SAMSN1: variants seen among roughly 807,000 people sequenced by gnomAD.
The protein encoded by SAMSN1 is SAM domain, SH3 domain and nuclear localization signals 1.
In SAMSN1, 31 loss-of-function variants were observed where a neutral mutation model predicts 42.0. The observed-to-expected ratio is 0.74, with a 90% CI of 0.55 to 1.00. The LOEUF (loss-of-function observed/expected upper bound fraction) is 1.00, where lower values mean the gene tolerates loss of function less well. Ranked by LOEUF, SAMSN1 falls within the 50% of genes least tolerant of loss-of-function variation. The pLI, the probability that SAMSN1 is intolerant of heterozygous loss-of-function variation, is 0.00. For synonymous variants in SAMSN1, 178 were observed against 151.9 expected, an observed-to-expected ratio of 1.17 and a Z score of -1.26; for missense variants, 464 against 439.4, an observed-to-expected ratio of 1.06 and a Z score of -0.50.
intron 2 of SAMSN1, among the ~76,000 whole-genome samples, chr21:14,577,236 G>GTATATATATATATA (rs1472311400): frequency 3.2e-5 from 1 of 30,852 alleles, no homozygotes; most frequent in Non-Finnish European, 5.5e-5. Flanking sequence ...ATATATATGT[G>GTATATATATATATA]TGTATATATA....
intron 2 of SAMSN1, among the ~76,000 whole-genome samples, chr21:14,518,368 T>A (rs918017875): frequency 6.6e-6 from 1 of 152,230 alleles, no homozygotes; most frequent in Non-Finnish European, 1.5e-5. Flanking sequence ...TCTTTGAGTG[T>A]CTAGAGTACT....
intron 1 of SAMSN1, among the ~76,000 whole-genome samples, chr21:14,540,689 T>C (rs1385061880): frequency 6.6e-6 from 1 of 152,246 alleles, no homozygotes; most frequent in East Asian, 1.9e-4. Flanking sequence ...TTGGTGGGAC[T>C]GTAAACTAGT....
intron 1 of SAMSN1, among the ~76,000 whole-genome samples, chr21:14,537,178 G>C (rs1979680130): frequency 6.6e-6 from 1 of 152,130 alleles, no homozygotes; most frequent in South Asian, 2.1e-4. Flanking sequence ...TATGCACTCT[G>C]CCCCACTGCT....
chr21:14,565,772 T>C (rs763120626), intron 2 of SAMSN1, among the ~76,000 whole-genome samples: 4 of 152,166 alleles, frequency 2.6e-5, no homozygotes, highest in Non-Finnish European at 4.4e-5. Flanking sequence ...CGTTATACCA[T>C]GCTACATAAA....
intron 2 of SAMSN1, among the ~76,000 whole-genome samples, chr21:14,567,932 C>T (rs1981173433): frequency 1.3e-5 from 2 of 152,022 alleles, no homozygotes; most frequent in African/African-American, 4.8e-5. Flanking sequence ...AAAAAGACTT[C>T]TTGGATAGGT....
At position 14,521,117 on chromosome 21, in the gene SAMSN1, A is replaced by G. The variant is rs773004815; in HGVS notation, c.129+33T>C. 9 of 1,330,270 alleles carry G rather than the reference A, an allele frequency of 6.8e-6. No individual in the cohort carries two copies. The African/African-American group carries it at 1.2e-4, about 17-fold the overall frequency. 82.4% of individuals were successfully genotyped at this position (1,330,270 alleles called of 1,614,324 possible). ...TCATAATATTTCATAATGTGTTTGC[A>G]TAACATTCATAAAAATGGAATAAAC... On this transcript the variant is annotated intron_variant, in intron 2 of 7. Transcript: ENST00000400566.
chr21:14,573,600 G>A (rs1981372088), intron 2 of SAMSN1, among the ~76,000 whole-genome samples: 1 of 152,100 alleles, frequency 6.6e-6, no homozygotes, highest in Non-Finnish European at 1.5e-5. Flanking sequence ...GTAGAAATAC[G>A]GCCAACAGGC....
chr21:14,655,692 A>C (rs1451498091), intron 1 of SAMSN1, among the ~76,000 whole-genome samples: 1 of 151,948 alleles, frequency 6.6e-6, no homozygotes, highest in East Asian at 1.9e-4. Context: ...CCTCATGAAG[A>C]CTGAATTATA....
Position 14,498,534 on chromosome 21 carries a change from A to G in SAMSN1, c.827T>C (p.Ile276Thr), listed in dbSNP as rs1987003448. 6.2e-7 allele frequency: 1 copy of G among 1,610,848 alleles called. No individual in the cohort carries two copies. The highest frequency in any genetic ancestry group is 1.1e-5 in the South Asian group (1 of 90,570). The part of the protein sequence containing the change: ...GYETLEDLKD[I>T]KESHLIELNI... ...TAATTCAATGAGGTGACTCTCTTTT[A>G]TATCTTTTAAATCTTCTAGAGTCTC... Residue 276 changes from isoleucine (I) to threonine (T), a missense_variant, in exon 7 of 8, where the codon ATA (isoleucine) becomes ACA (threonine). Coordinates refer to ENST00000400566, the MANE Select transcript of SAMSN1 (RefSeq NM_022136.5).
chr21:14,540,615 T>C (rs1431988501), intron 1 of SAMSN1, among the ~76,000 whole-genome samples: 1 of 152,128 alleles, frequency 6.6e-6, no homozygotes, highest in Non-Finnish European at 1.5e-5. Context: ...ATGGCGATCA[T>C]TAAAAAGTCA....
intron 5 of SAMSN1, among the ~76,000 whole-genome samples, chr21:14,510,108 C>T (rs1420204846): frequency 6.6e-6 from 1 of 150,854 alleles, no homozygotes; most frequent in Non-Finnish European, 1.5e-5. Flanking sequence ...CACTGCACTC[C>T]AGCCTGGGCA....
At chr21:14,565,421 A>C (rs889528511) in intron 2 of SAMSN1, among the ~76,000 whole-genome samples, 3 of 152,192 alleles carry the variant, frequency 2.0e-5, no homozygotes, top group Admixed American at 1.3e-4. Flanking sequence ...TGAGAAGTTC[A>C]GAGACAGTGT....
At position 14,595,526 on chromosome 21, in the gene SAMSN1, G is replaced by A. The variant is rs200744793; in HGVS notation, c.400-1448C>T. Among the ~76,000 whole-genome samples, 15 of 152,126 alleles carry A rather than the reference G, an allele frequency of 9.9e-5. No homozygotes were observed. The East Asian group carries it at 2.7e-3, about 27-fold the overall frequency. ...TTATTCTGAGGAGAGTCTGCAATGA[G>A]ATTAAGAGGAATTTAGAGACAGGGA... On this transcript the variant is annotated intron_variant, in intron 6 of 15. Coordinates refer to the SAMSN1 transcript ENST00000647101.
intron 6 of SAMSN1, among the ~76,000 whole-genome samples, chr21:14,499,470 C>T (rs1453746085): frequency 7.7e-6 from 1 of 129,408 alleles, no homozygotes; most frequent in Non-Finnish European, 1.6e-5. Context: ...TCAGGGAGAA[C>T]TTATGACCAC....
chr21:14,636,184 G>GT (rs1184965295), intron 2 of SAMSN1, among the ~76,000 whole-genome samples: 5 of 152,174 alleles, frequency 3.3e-5, no homozygotes, highest in African/African-American at 1.2e-4. Context: ...GAAATAAAAT[G>GT]TAAGTCTATT....
exon 5 of SAMSN1, chr21:14,609,565 C>A (rs1319688252): frequency 8.4e-6 from 6 of 717,728 alleles, no homozygotes; most frequent in Non-Finnish European, 1.3e-5. Context: ...CACAGTTTTT[C>A]CTTCTAAAGT....
intron 2 of SAMSN1, among the ~76,000 whole-genome samples, chr21:14,624,132 T>C (rs556143269): frequency 1.3e-5 from 2 of 152,292 alleles, no homozygotes; most frequent in East Asian, 1.9e-4. Flanking sequence ...AAGAAATGTA[T>C]AGAGGGAAAT....
At chr21:14,535,482 T>A (rs1979545337) in intron 1 of SAMSN1, among the ~76,000 whole-genome samples, 1 of 152,160 alleles carries the variant, frequency 6.6e-6, no homozygotes, top group Non-Finnish European at 1.5e-5. Context: ...AACCTAATCC[T>A]CACTTCCAAT....
intron 1 of SAMSN1, among the ~76,000 whole-genome samples, chr21:14,529,068 A>T (rs1363806936): frequency 6.6e-6 from 1 of 152,220 alleles, no homozygotes. Context: ...GGTAATGGGT[A>T]ATGCTAGTCA....
Sources: allele counts gnomAD v4.1 joint callset (sites outside exome capture counted in the v4.1 genomes callset), GRCh38; gene constraint gnomAD v4.1.1; transcripts MANE v1.5; gene names NCBI Gene and HGNC (gene_info 2026-07-23, HGNC 2026-07-21).